The following LSAMP variants were observed in gnomAD, a reference collection of about 807,000 sequenced individuals.
LSAMP encodes the protein limbic system associated membrane protein, also known as limbic system-associated membrane protein.
In LSAMP, 7 loss-of-function variants were observed where a neutral mutation model predicts 38.6. The ratio of observed to expected loss-of-function variants is 0.18; its 90% CI spans 0.10 to 0.34. The LOEUF (loss-of-function observed/expected upper bound fraction) is 0.34. Among genes scored for constraint, LSAMP ranks in the 10% least tolerant of loss-of-function variants. LSAMP has a pLI of 1.00. For missense variants in LSAMP, 313 were observed against 420.0 expected (o/e 0.75, Z 2.23); for synonymous variants, 154 against 166.8 (o/e 0.92, Z 0.59).
At chr3:116,081,425 G>A (rs1707869902) in intron 2 of LSAMP, among the ~76,000 whole-genome samples, 1 of 151,840 alleles carries the variant, frequency 6.6e-6, no homozygotes, top group African/African-American at 2.4e-5. Flanking sequence ...CTGCACTCCA[G>A]CCTGGCGACA....
intron 3 of LSAMP, among the ~76,000 whole-genome samples, chr3:115,913,371 A>G (rs1284440681): frequency 3.9e-5 from 6 of 152,186 alleles, no homozygotes; most frequent in Non-Finnish European, 8.8e-5. Flanking sequence ...TGACATCTCC[A>G]GCTCACCTGG....
chr3:116,068,000 A>C (rs2107373156), intron 2 of LSAMP, among the ~76,000 whole-genome samples: 1 of 152,344 alleles, frequency 6.6e-6, no homozygotes, highest in East Asian at 1.9e-4. Flanking sequence ...GGGAAGGAGT[A>C]TGAAAAAATA....
intron 3 of LSAMP, among the ~76,000 whole-genome samples, chr3:115,886,104 GAGAA>G (rs1343337710): frequency 6.6e-6 from 1 of 151,950 alleles, no homozygotes; most frequent in African/African-American, 2.4e-5. Flanking sequence ...CTCAAAAAAA[GAGAA>G]AGAAAGAACT....
At position 115,881,865 on chromosome 3, in the gene LSAMP, G is replaced by A. The variant is rs78201255; in HGVS notation, c.515-29248C>T. On this transcript the variant is annotated intron_variant, in intron 3 of 6. Transcript: ENST00000490035. ...CCAGTCCAGATTCCCTTTCCTGAAC[G>A]TGCACCTGTCTCTCAGCTGTTCTTA... is the stretch of plus-strand genomic sequence containing the variant. Among the ~76,000 whole-genome samples the A allele has an allele frequency of 4.7e-3, 722 of 152,124 alleles. 5 individuals carry two copies. The highest frequency in any genetic ancestry group is 0.016 in the African/African-American group (677 of 41,498).
intron 2 of LSAMP, among the ~76,000 whole-genome samples, chr3:116,064,949 G>A (rs2107364815): frequency 6.6e-6 from 1 of 152,278 alleles, no homozygotes; most frequent in South Asian, 2.1e-4. Context: ...TCCATAGTCT[G>A]AAGCTCTAAA....
At chr3:115,896,915 A>T (rs1262485605) in intron 3 of LSAMP, among the ~76,000 whole-genome samples, 1 of 152,086 alleles carries the variant, frequency 6.6e-6, no homozygotes, top group African/African-American at 2.4e-5. Flanking sequence ...CCATGCATGG[A>T]GAACTTCTTG....
At chr3:116,301,612 AAATT>A (rs1433772574) in intron 1 of LSAMP, among the ~76,000 whole-genome samples, 2 of 152,158 alleles carry the variant, frequency 1.3e-5, no homozygotes, top group Admixed American at 1.3e-4. Flanking sequence ...TAATGGCCTA[AAATT>A]TATGCATTTC....
At chr3:116,137,007 T>C (rs751072658) in intron 1 of LSAMP, among the ~76,000 whole-genome samples, 26 of 152,094 alleles carry the variant, frequency 1.7e-4, no homozygotes, top group Non-Finnish European at 2.6e-4. Flanking sequence ...GGCAAGGTTC[T>C]AAAGGTTTTA....
intron 1 of LSAMP, among the ~76,000 whole-genome samples, chr3:116,117,773 G>A (rs533937520): frequency 2.6e-5 from 4 of 152,166 alleles, no homozygotes; most frequent in African/African-American, 9.6e-5. Context: ...AACCACAGAG[G>A]TAAAGTGTCA....
intron 3 of LSAMP, among the ~76,000 whole-genome samples, chr3:115,874,126 A>AACATC (rs1260424851): frequency 2.0e-5 from 3 of 152,288 alleles, no homozygotes; most frequent in African/African-American, 7.2e-5. Context: ...AATATTGCAA[A>AACATC]ACATCAGTTT....
At chr3:116,159,866 A>G (rs1709840937) in intron 1 of LSAMP, among the ~76,000 whole-genome samples, 1 of 152,186 alleles carries the variant, frequency 6.6e-6, no homozygotes, top group East Asian at 1.9e-4. Context: ...AAAATGTGGT[A>G]TGTATACATC....
intron 1 of LSAMP, among the ~76,000 whole-genome samples, chr3:116,136,608 C>A (rs1420965096): frequency 6.6e-6 from 1 of 151,888 alleles, no homozygotes; most frequent in Non-Finnish European, 1.5e-5. Flanking sequence ...TTTAAAAATC[C>A]TACTTTGCTT....
intron 1 of LSAMP, among the ~76,000 whole-genome samples, chr3:116,396,285 T>A (rs1251481100): frequency 6.6e-6 from 1 of 152,190 alleles, no homozygotes; most frequent in Non-Finnish European, 1.5e-5. Flanking sequence ...ATACATACAG[T>A]TTTAGATGGG....
chr3:116,285,347 T>C (rs552083758), intron 1 of LSAMP, among the ~76,000 whole-genome samples: 3 of 152,292 alleles, frequency 2.0e-5, no homozygotes, highest in Non-Finnish European at 4.4e-5. Flanking sequence ...CACCAGACTC[T>C]GTCTCCCTTT....
chr3:115,929,067 C>A (rs1434987322), intron 3 of LSAMP, among the ~76,000 whole-genome samples: 2 of 138,354 alleles, frequency 1.4e-5, no homozygotes, highest in Non-Finnish European at 1.5e-5. Context: ...TTAATGTGGG[C>A]CCTAAATATT....
intron 3 of LSAMP, among the ~76,000 whole-genome samples, chr3:115,882,821 T>C (rs979253747): frequency 6.6e-6 from 1 of 152,030 alleles, no homozygotes; most frequent in African/African-American, 2.4e-5. Context: ...GTTTTTATGG[T>C]TGTAACAAGC....
intron 6 of LSAMP, among the ~76,000 whole-genome samples, chr3:115,824,501 G>A (rs1234825329): frequency 6.6e-6 from 1 of 152,080 alleles, no homozygotes; most frequent in Non-Finnish European, 1.5e-5. Context: ...AGGAGTTTGA[G>A]ACCAGCCTGG....
intron 6 of LSAMP, among the ~76,000 whole-genome samples, chr3:115,829,896 A>G (rs1471137877): frequency 2.0e-5 from 3 of 152,232 alleles, no homozygotes; most frequent in African/African-American, 7.2e-5. Flanking sequence ...TCCATGCAAC[A>G]TGATACCAGT....
rs193276224 is a variant in LSAMP at position 115,925,935 on chromosome 3, T to C, written c.515-73318A>G. 7.1e-4 allele frequency among the ~76,000 whole-genome samples: 108 copies of C among 152,036 alleles called. 1 individual carries two copies. In the East Asian group the frequency reaches 0.016, roughly 23 times the overall value. On this transcript the variant is annotated intron_variant, in intron 3 of 6. Transcript: ENST00000490035. ...TAACCTTGCTATTTGGGAGAGAACT[T>C]CAGATCCAAAGGGAAAAACAATGAA...
Sources: allele counts gnomAD v4.1 joint callset (sites outside exome capture counted in the v4.1 genomes callset), GRCh38; gene constraint gnomAD v4.1.1; transcripts MANE v1.5; gene names NCBI Gene and HGNC (gene_info 2026-07-23, HGNC 2026-07-21).